C8orf89: variants seen among roughly 807,000 people sequenced by gnomAD.
C8orf89 encodes the protein chromosome 8 open reading frame 89, also known as putative uncharacterized protein C8orf89.
A neutral mutation model predicts 15.8 loss-of-function variants in C8orf89; 14 were observed. The observed-to-expected ratio is 0.89, with a 90% CI of 0.59 to 1.39. C8orf89 has a LOEUF of 1.39. C8orf89 is among the 40% of genes most tolerant of loss of function. The pLI is 0.00. For synonymous variants in C8orf89, 55 were observed against 62.2 expected, an observed-to-expected ratio of 0.88 and a Z score of 0.54; for missense variants, 181 against 184.5, an observed-to-expected ratio of 0.98 and a Z score of 0.11.
chr8:73,278,090 G>T, the C8orf89 span: 2 of 379,520 alleles, frequency 5.3e-6, no homozygotes, highest in Non-Finnish European at 9.9e-6. Flanking sequence ...CTTGGGGTGT[G>T]TGTCTGCCTG....
At chr8:73,264,172 A>T (rs1813579333), upstream of C8orf89, among the ~76,000 whole-genome samples, 1 of 152,182 alleles carries the variant, frequency 6.6e-6, no homozygotes, top group African/African-American at 2.4e-5. Context: ...CAAAAAAAGG[A>T]CAGAAATGCA....
At chr8:73,262,113 A>G (rs550041726), upstream of C8orf89, among the ~76,000 whole-genome samples, 9 of 152,372 alleles carry the variant, frequency 5.9e-5, no homozygotes, top group East Asian at 1.7e-3. Flanking sequence ...AATATGGAGT[A>G]AATTATAATT....
At chr8:73,256,951 G>C in intron 2 of C8orf89, 22 bp downstream of exon 2, 1 of 1,512,376 alleles carries the variant, frequency 6.6e-7, no homozygotes, top group South Asian at 1.3e-5. Flanking sequence ...CAACAAATGA[G>C]AATTAAATAG....
the C8orf89 span, among the ~76,000 whole-genome samples, chr8:73,267,102 TC>T: frequency 1.3e-5 from 2 of 152,192 alleles, no homozygotes; most frequent in Non-Finnish European, 2.9e-5. Flanking sequence ...TATACGGTAA[TC>T]CCCCCTTATC....
the C8orf89 span, among the ~76,000 whole-genome samples, chr8:73,276,236 G>A: frequency 1.3e-5 from 2 of 150,206 alleles, no homozygotes; most frequent in Admixed American, 6.6e-5. Flanking sequence ...GGGTGCAGTG[G>A]TGCAATCTCG....
the C8orf89 span, among the ~76,000 whole-genome samples, chr8:73,283,495 G>A: frequency 1.3e-5 from 2 of 152,160 alleles, no homozygotes; most frequent in Non-Finnish European, 2.9e-5. Context: ...ATAAGGTGAG[G>A]ATTAAATTTT....
intron 3 of C8orf89, among the ~76,000 whole-genome samples, chr8:73,249,179 C>T: frequency 6.6e-6 from 1 of 152,096 alleles, no homozygotes; most frequent in East Asian, 1.9e-4. Flanking sequence ...TTGAGATAAT[C>T]ATGTGGTTTT....
chr8:73,245,034 A>G (rs1813093737), intron 3 of C8orf89, among the ~76,000 whole-genome samples: 1 of 152,200 alleles, frequency 6.6e-6, no homozygotes, highest in Non-Finnish European at 1.5e-5. Flanking sequence ...CAATCACACC[A>G]GAAGGCAAAA....
chr8:73,258,269 C>T (rs190898897), intron 1 of C8orf89, among the ~76,000 whole-genome samples: 10 of 152,006 alleles, frequency 6.6e-5, no homozygotes, highest in Admixed American at 2.6e-4. Context: ...AAATCTGCTG[C>T]GCATGGCAGT....
At chr8:73,251,345 G>T (rs747459889) in intron 2 of C8orf89, among the ~76,000 whole-genome samples, 1 of 152,142 alleles carries the variant, frequency 6.6e-6, no homozygotes, top group Non-Finnish European at 1.5e-5. Context: ...TGCCAAAACC[G>T]CTCCTTCACA....
chr8:73,263,101 T>C (rs1284711347), upstream of C8orf89, among the ~76,000 whole-genome samples: 2 of 152,226 alleles, frequency 1.3e-5, no homozygotes, highest in Non-Finnish European at 2.9e-5. Context: ...GAAAAAATGC[T>C]TTCTCAAATT....
the C8orf89 span, among the ~76,000 whole-genome samples, chr8:73,276,185 T>C: frequency 6.6e-6 from 1 of 150,748 alleles, no homozygotes; most frequent in Non-Finnish European, 1.5e-5. Flanking sequence ...ATGCTTTTTT[T>C]TTTTTTTTTG....
intron 2 of C8orf89, among the ~76,000 whole-genome samples, chr8:73,256,430 A>T (rs890975672): frequency 4.6e-5 from 7 of 151,980 alleles, no homozygotes; most frequent in Admixed American, 6.6e-5. Context: ...GGTTTTTTTT[A>T]AAATGCCCTT....
chr8:73,254,200 T>G (rs977711736), intron 2 of C8orf89, among the ~76,000 whole-genome samples: 6 of 152,150 alleles, frequency 3.9e-5, no homozygotes, highest in African/African-American at 1.4e-4. Context: ...TCATGTGGTT[T>G]TTGTCTTTGG....
chr8:73,243,712 TAG>T (rs1275172754), intron 3 of C8orf89, among the ~76,000 whole-genome samples: 1 of 152,054 alleles, frequency 6.6e-6, no homozygotes, highest in Admixed American at 6.6e-5. Flanking sequence ...GTATTTTTAG[TAG>T]AGACGGGGTT....
chr8:73,285,261 T>C, the C8orf89 span, among the ~76,000 whole-genome samples: 1 of 152,090 alleles, frequency 6.6e-6, no homozygotes, highest in Non-Finnish European at 1.5e-5. Context: ...GTGTGTCCAC[T>C]TAACGGATAG....
At chr8:73,258,690 A>G (rs1813461405) in intron 1 of C8orf89, among the ~76,000 whole-genome samples, 1 of 147,300 alleles carries the variant, frequency 6.8e-6, no homozygotes, top group African/African-American at 2.6e-5. Flanking sequence ...GTACAGTGGC[A>G]TGGTCATGGC....
upstream of C8orf89, among the ~76,000 whole-genome samples, chr8:73,259,686 G>A (rs950405923): frequency 6.6e-6 from 1 of 151,766 alleles, no homozygotes; most frequent in Non-Finnish European, 1.5e-5. Flanking sequence ...ACAAGACAAT[G>A]GAATACTTGG....
the C8orf89 span, chr8:73,277,361 A>G: frequency 5.1e-6 from 5 of 975,656 alleles, no homozygotes; most frequent in Non-Finnish European, 7.7e-6. Flanking sequence ...TCACACGATC[A>G]TTTTTTCTCT....
Sources: allele counts gnomAD v4.1 joint callset (sites outside exome capture counted in the v4.1 genomes callset), GRCh38; gene constraint gnomAD v4.1.1; transcripts MANE v1.5; gene names NCBI Gene and HGNC (gene_info 2026-07-23, HGNC 2026-07-21).